Variants in RANBP1 observed in about 807,000 individuals in gnomAD.
RANBP1 encodes the protein RAN binding protein 1.
A neutral mutation model predicts 31.4 loss-of-function variants in RANBP1; 16 were observed. The observed-to-expected ratio is 0.51, with a 90% CI of 0.34 to 0.77. RANBP1 has a LOEUF of 0.77. Ranked by LOEUF, RANBP1 falls within the 30% of genes least tolerant of loss-of-function variation. RANBP1 has a pLI of 0.01. For synonymous variants in RANBP1, 129 were observed against 140.5 expected, an observed-to-expected ratio of 0.92 and a Z score of 0.58; for missense variants, 265 against 362.0, an observed-to-expected ratio of 0.73 and a Z score of 2.17.
At chr22:20,118,592 C>A (rs1288336080) in intron 1 of RANBP1, among the ~76,000 whole-genome samples, 1 of 152,222 alleles carries the variant, frequency 6.6e-6, no homozygotes, top group Non-Finnish European at 1.5e-5. Context: ...ATTTCAAAAT[C>A]TATTTCGACC....
At chr22:20,117,529 G>T in intron 1 of RANBP1, 1 of 1,336,940 alleles carries the variant, frequency 7.5e-7, no homozygotes, top group South Asian at 1.5e-5. Context: ...GCGGAGGGAA[G>T]AGCGGGCGGG....
At chr22:20,120,758 C>T (rs1055650964) in intron 2 of RANBP1, among the ~76,000 whole-genome samples, 29 of 152,310 alleles carry the variant, frequency 1.9e-4, no homozygotes, top group African/African-American at 6.0e-4. Flanking sequence ...ATGACCCGCC[C>T]GCCTCAGCCT....
intron 1 of RANBP1, chr22:20,117,917 G>C (rs1418491159): frequency 9.9e-7 from 1 of 1,013,598 alleles, no homozygotes; most frequent in African/African-American, 1.7e-5. Context: ...CTTGGGGTGG[G>C]TTGGGGAGCG....
chr22:20,119,201 C>A, intron 2 of RANBP1, 52 bp downstream of exon 2: 1 of 1,553,590 alleles, frequency 6.4e-7, no homozygotes, highest in Non-Finnish European at 8.9e-7. Flanking sequence ...GAGGTTACAA[C>A]TTTTATGGGT....
At chr22:20,117,293 T>C in intron 1 of RANBP1, 2 of 830,434 alleles carry the variant, frequency 2.4e-6, no homozygotes, top group South Asian at 3.4e-5. Flanking sequence ...TAGCCAGCTC[T>C]AGAGGCGCGC....
rs774693843 is a variant in RANBP1, at chr22:20,122,250, G to A, written c.384-14G>A. On this transcript the variant is annotated splice_polypyrimidine_tract_variant and intron_variant, in intron 2 of 5. Coordinates refer to ENST00000430524, the MANE Select transcript of RANBP1 (RefSeq NM_001278639.2). ...TGCAGGTCTGCACTCTTAACCTCAC[G>A]GCTTTTCTTGCAGGCGGGCAAAACT... The A allele has an allele frequency of 5.6e-6, 9 of 1,611,618 alleles. No homozygotes were observed. The East Asian group carries it at 8.9e-5, about 16-fold the overall frequency.
intron 1 of RANBP1, chr22:20,118,006 G>T: frequency 1.0e-6 from 1 of 995,834 alleles, no homozygotes; most frequent in East Asian, 1.1e-4. Context: ...CCCACTTGGG[G>T]CTCCCCACTA....
In RANBP1 at chr22:20,122,234, G is replaced by T. The variant is rs777437489; in HGVS notation, c.384-30G>T. 1.9e-6 allele frequency: 3 copies of T among 1,606,802 alleles called. No individual in the cohort carries two copies. The South Asian group carries it at 3.3e-5, about 18-fold the overall frequency. On this transcript the variant is annotated intron_variant, in intron 2 of 5. Transcript: ENST00000430524. ...GGCCCTGCATGTGGGCTGCAGGTCTGCACTCTTAACCTCACGGCTTTTCTT... is the reference window on the plus strand; with the variant it reads ...GGCCCTGCATGTGGGCTGCAGGTCTTCACTCTTAACCTCACGGCTTTTCTT...
intron 2 of RANBP1, among the ~76,000 whole-genome samples, chr22:20,121,599 C>T (rs1042948251): frequency 6.6e-6 from 1 of 152,016 alleles, no homozygotes; most frequent in Non-Finnish European, 1.5e-5. Context: ...GGCTGGAGTG[C>T]AGCAGTGGTA....
chr22:20,125,553 T>A (rs1260581202), intron 4 of RANBP1, 117 bp downstream of exon 4: 2 of 1,537,014 alleles, frequency 1.3e-6, no homozygotes, highest in Admixed American at 3.9e-5. Context: ...AACTGGGAAG[T>A]GTGTCGTGTG....
rs1238019623 is a variant in RANBP1, at chr22:20,127,193, TG to T, written c.*142del. 2.6e-5 allele frequency: 17 copies of T among 648,972 alleles called. No individual in the cohort carries two copies. Among genetic ancestry groups the T allele is most frequent in the Middle Eastern group, 4.8e-4 (1 of 2,078 alleles). 40.2% of individuals were successfully genotyped at this position (648,972 alleles called of 1,614,324 possible). A position where few individuals can be genotyped will look rare whatever the true frequency, so the allele number is the denominator to read the frequency against. On this transcript the variant is annotated 3_prime_UTR_variant, in exon 6 of 6. Transcript: ENST00000430524. ...AAAGAACTGAACTCAACATTCAGGT[TG>T]TTTTTTTTTTTTGTTTCTAAGTTTT... is the stretch of plus-strand genomic sequence containing the variant.
Position 20,116,170 on chromosome 22 carries a change from C to A in RANBP1, c.-15C>A, listed in dbSNP as rs777596749. ...TGGTGGCTCACTCTCACCCTCCTGT[C>A]GCCTCCTCCTGGCCATGGGGTCGGC... On this transcript the variant is annotated 5_prime_UTR_variant, in exon 1 of 6. Coordinates refer to ENST00000430524, the MANE Select transcript of RANBP1 (RefSeq NM_001278639.2). The A allele has an allele frequency of 1.9e-6, 3 of 1,612,990 alleles. No homozygotes were observed. In the Admixed American group the frequency reaches 5.0e-5, roughly 27 times the overall value.
chr22:20,122,763 G>GTGT lies in RANBP1; in HGVS notation c.541+342_541+343insTGT, dbSNP rs55662364. On this transcript the variant is annotated intron_variant, in intron 3 of 5. Transcript: ENST00000430524. ...TGTGTGTGTGTGTGTGTGTGTGTGTGGTGTCTGGGGGGTGGGGGTTGGTGT... is the reference window on the plus strand; with the variant it reads ...TGTGTGTGTGTGTGTGTGTGTGTGTGTGTGTGTCTGGGGGGTGGGGGTTGGTGT... 2,648 of 875,874 alleles carry GTGT rather than the reference G, an allele frequency of 3.0e-3. 140 individuals are homozygous for GTGT. Among genetic ancestry groups the GTGT allele is most frequent in the South Asian group, 1.0e-2 (291 of 29,182 alleles). 54.3% of individuals were successfully genotyped at this position (875,874 alleles called of 1,614,324 possible). A position where few individuals can be genotyped will look rare whatever the true frequency, so the allele number is the denominator to read the frequency against.
chr22:20,116,879 C>G lies in RANBP1; in HGVS notation c.246+449C>G, dbSNP rs377249977. 26 of 1,604,340 alleles carry G rather than the reference C, an allele frequency of 1.6e-5. No individual in the cohort carries two copies. The South Asian group carries it at 2.0e-4, about 12-fold the overall frequency. ...TCTCTACCCAGCGTCTCCCCGCACT[C>G]TACCTCGTTGTCGAGGTTCTCACTC... On this transcript the variant is annotated intron_variant, in intron 1 of 5. Transcript: ENST00000430524.
chr22:20,124,967 C>A (rs919319429), intron 3 of RANBP1: 1 of 327,760 alleles, frequency 3.1e-6, no homozygotes, highest in African/African-American at 2.2e-5. Flanking sequence ...TTTGCCAGCT[C>A]TGCTTCTCTG....
chr22:20,126,146 C>G (rs550989317), intron 4 of RANBP1, among the ~76,000 whole-genome samples, 157 bp from the exon 5 acceptor site: 1 of 152,366 alleles, frequency 6.6e-6, no homozygotes, highest in East Asian at 1.9e-4. Context: ...ATGAAGGAGA[C>G]AGAAGGCCAG....
chr22:20,120,183 C>T lies in RANBP1; in HGVS notation c.383+1034C>T, dbSNP rs534820423. 3.9e-5 allele frequency among the ~76,000 whole-genome samples: 6 copies of T among 152,296 alleles called. No homozygotes were observed. The South Asian group carries it at 1.2e-3, about 32-fold the overall frequency. ...AGGGAAGCAGAGAGAGTCATTCCTA[C>T]TGTGAGTTTCCTATCCAAGGAAGGG... On this transcript the variant is annotated intron_variant, in intron 2 of 5. Transcript: ENST00000430524.
chr22:20,117,072 G>T, intron 1 of RANBP1: 1 of 898,296 alleles, frequency 1.1e-6, no homozygotes, highest in South Asian at 1.7e-5. Flanking sequence ...CCCCGGCTTC[G>T]CCCCAGGCGG....
intron 2 of RANBP1, among the ~76,000 whole-genome samples, 175 bp from the exon 3 acceptor site, chr22:20,122,089 G>A (rs185119251): frequency 3.3e-5 from 5 of 151,996 alleles, no homozygotes; most frequent in Admixed American, 2.0e-4. Context: ...GGAGTTTGTT[G>A]GGCTGCTGCG....
Sources: gnomAD v4.1 joint callset for allele counts (sites outside exome capture counted in the v4.1 genomes callset) on GRCh38, gnomAD v4.1.1 for gene constraint, MANE v1.5 for transcripts, NCBI Gene and HGNC (gene_info 2026-07-23, HGNC 2026-07-21) for gene names.